GON4L: variants seen among roughly 807,000 people sequenced by gnomAD.
The protein encoded by GON4L is gon-4 like.
In GON4L, 87 loss-of-function variants were observed where a neutral mutation model predicts 211.8. The ratio of observed to expected loss-of-function variants is 0.41; its 90% confidence interval spans 0.35 to 0.49. GON4L has a LOEUF of 0.49. Ranked by LOEUF, GON4L falls within the 20% of genes least tolerant of loss-of-function variation. The pLI is 0.15. For synonymous variants in GON4L, 875 were observed against 962.6 expected (o/e 0.91, Z 1.68); for missense variants, 2,155 against 2,659.5 (o/e 0.81, Z 4.17).
chr1:155,804,493 T>C (rs1459966012), intron 11 of GON4L, among the ~76,000 whole-genome samples: 1 of 151,274 alleles, frequency 6.6e-6, no homozygotes, highest in Non-Finnish European at 1.5e-5. Context: ...AAAAGAAATG[T>C]TAAGAATTGG....
chr1:155,770,110 G>A (rs1193600678), intron 19 of GON4L, among the ~76,000 whole-genome samples: 6 of 151,662 alleles, frequency 4.0e-5, no homozygotes. Context: ...TCCTTGGGAG[G>A]CTGAGGTGGG....
chr1:155,822,639 C>T (rs540023385), intron 3 of GON4L, among the ~76,000 whole-genome samples, 163 bp from the exon 4 acceptor site: 2 of 152,228 alleles, frequency 1.3e-5, no homozygotes, highest in South Asian at 4.1e-4. Flanking sequence ...AAGTATAGAA[C>T]ATTTGCATAG....
intron 12 of GON4L, among the ~76,000 whole-genome samples, chr1:155,792,728 T>C (rs527965086): frequency 1.3e-5 from 2 of 152,152 alleles, no homozygotes; most frequent in African/African-American, 4.8e-5. Flanking sequence ...TTTCTTTACT[T>C]GTTTCTTTAC....
intron 6 of GON4L, among the ~76,000 whole-genome samples, chr1:155,820,275 A>G (rs939550624): frequency 3.3e-5 from 5 of 152,188 alleles, no homozygotes; most frequent in African/African-American, 1.2e-4. Context: ...TTTTTATGCA[A>G]CTGGCCCCTG....
intron 27 of GON4L, among the ~76,000 whole-genome samples, chr1:155,756,370 A>C (rs1661181475): frequency 6.6e-6 from 1 of 152,140 alleles, no homozygotes; most frequent in African/African-American, 2.4e-5. Flanking sequence ...AAGGGTAATA[A>C]CTCTGAGCTA....
chr1:155,748,179 T>G, downstream of GON4L: 2 of 1,500,842 alleles, frequency 1.3e-6, no homozygotes, highest in South Asian at 2.5e-5. Context: ...GGCCTCCTCA[T>G]GCTCCCAGTC....
intron 5 of GON4L, 114 bp downstream of exon 5, chr1:155,821,360 A>G: frequency 1.5e-6 from 1 of 672,532 alleles, no homozygotes; most frequent in Non-Finnish European, 2.8e-6. Context: ...TGAAATGCTA[A>G]CTTTAACCCC....
At chr1:155,799,304 T>C (rs1258110002) in intron 11 of GON4L, among the ~76,000 whole-genome samples, 1 of 152,152 alleles carries the variant, frequency 6.6e-6, no homozygotes, top group African/African-American at 2.4e-5. Context: ...TATGGTGGCA[T>C]GTGCCTGTAA....
intron 10 of GON4L, 107 bp downstream of exon 10, chr1:155,813,527 C>G: frequency 2.4e-6 from 2 of 839,660 alleles, no homozygotes; most frequent in South Asian, 2.8e-5. Flanking sequence ...AAGACTAACT[C>G]TTACTTATAT....
chr1:155,754,804 C>T (rs1661001378), intron 27 of GON4L, among the ~76,000 whole-genome samples: 1 of 151,404 alleles, frequency 6.6e-6, no homozygotes, highest in Non-Finnish European at 1.5e-5. Flanking sequence ...GCTAGGATTA[C>T]AGGCATGAGC....
In GON4L at chr1:155,853,201, T is replaced by C. The variant is rs968933137; in HGVS notation, c.505+75A>G. 6.6e-6 allele frequency: 8 copies of C among 1,208,118 alleles called. No homozygotes were observed. In the African/African-American group the frequency reaches 1.2e-4, roughly 18 times the overall value. 74.8% of individuals were successfully genotyped at this position (1,208,118 alleles called of 1,614,324 possible). On this transcript the variant is annotated intron_variant, in intron 2 of 31. Transcript: ENST00000368331. ...ATATCCCCTTTCAGAAATACTACTCTGTAAAGGTATCCAGAAATAGCAATG... is the reference window on the plus strand; with the variant it reads ...ATATCCCCTTTCAGAAATACTACTCCGTAAAGGTATCCAGAAATAGCAATG...
chr1:155,754,187 C>T, intron 28 of GON4L, 188 bp downstream of exon 28: 1 of 646,406 alleles, frequency 1.5e-6, no homozygotes, highest in Non-Finnish European at 2.8e-6. Flanking sequence ...TCACAGAATT[C>T]TCTTTAAAAA....
rs1431443619 is a variant in GON4L, at chr1:155,758,048, A to G, written c.5110-14T>C. 2.9e-6 allele frequency: 1 copy of G among 342,052 alleles called. No individual in the cohort carries two copies. The allele number at this position is 342,052 out of a possible 1,614,324, so 21.2% of individuals were successfully genotyped here. A position where few individuals can be genotyped will look rare whatever the true frequency, so the allele number is the denominator to read the frequency against. On this transcript the variant is annotated splice_polypyrimidine_tract_variant and intron_variant, in intron 24 of 31. Transcript: ENST00000368331. ...CTGCTCCTCAAACTACCAGAGTGGA[A>G]AGTGGGCAAAAGAGGAGTCATGATA...
rs111867727 is a variant in GON4L at position 155,807,730 on chromosome 1, A to G, written c.1453-2589T>C. Among the ~76,000 whole-genome samples the G allele has an allele frequency of 7.6e-4, 110 of 143,884 alleles. 3 individuals carry two copies. Among genetic ancestry groups the G allele is most frequent in the African/African-American group, 2.9e-3 (110 of 38,452 alleles). The allele number at this position is 143,884 out of a possible 152,430, so 94.4% of individuals were successfully genotyped here. ...AAAAAAAAAAAAAAAAAAAAAGAAA[A>G]TCAGAAAGTGTGAGACCTCCATCTT... On this transcript the variant is annotated intron_variant, in intron 10 of 31. Transcript: ENST00000368331.
chr1:155,798,739 A>G (rs990907658), intron 11 of GON4L, among the ~76,000 whole-genome samples: 1 of 151,942 alleles, frequency 6.6e-6, no homozygotes, highest in African/African-American at 2.4e-5. Context: ...CTTAACAAAC[A>G]TTGCTGAATA....
In GON4L at chr1:155,820,650, T is replaced by C; in HGVS notation, c.970A>G (p.Lys324Glu). 1 of 1,606,986 alleles carries C rather than the reference T, an allele frequency of 6.2e-7. No individual in the cohort carries two copies. Among genetic ancestry groups the C allele is most frequent in the Non-Finnish European group, 8.5e-7 (1 of 1,173,588 alleles). ...TCCTTCAGTTTAGAGCGTGTCATTT[T>C]AGGCTCCTAAGGAGAAAAAAACAGA... Reference protein sequence around the residue: ...ETEDMPMFEPKMTRSKLKEVV... With the variant: ...ETEDMPMFEPEMTRSKLKEVV... Residue 324 changes from lysine to glutamate, a missense_variant, in exon 6 of 32, where the codon AAA becomes GAA. Coordinates refer to ENST00000368331, the MANE Select transcript of GON4L (RefSeq NM_001282860.2).
chr1:155,776,516 T>C, intron 15 of GON4L, 35 bp from the exon 16 acceptor site: 1 of 1,421,928 alleles, frequency 7.0e-7, no homozygotes, highest in Non-Finnish European at 9.9e-7. Context: ...AGTGACATGT[T>C]ACCACATTGT....
intron 2 of GON4L, 72 bp downstream of exon 2, chr1:155,853,204 A>G: frequency 8.2e-7 from 1 of 1,223,120 alleles, no homozygotes; most frequent in Non-Finnish European, 1.2e-6. Context: ...ACTACTCTGT[A>G]AAGGTATCCA....
intron 2 of GON4L, among the ~76,000 whole-genome samples, chr1:155,835,370 T>C (rs1264973470): frequency 6.6e-6 from 1 of 151,890 alleles, no homozygotes; most frequent in African/African-American, 2.4e-5. Flanking sequence ...CCAGAGACCT[T>C]TGTTCACTTG....
Sources: allele counts gnomAD v4.1 joint callset (sites outside exome capture counted in the v4.1 genomes callset), GRCh38; gene constraint gnomAD v4.1.1; transcripts MANE v1.5; gene names NCBI Gene and HGNC (gene_info 2026-07-23, HGNC 2026-07-21).